The following LRSAM1 variants were observed in gnomAD, a reference collection of about 807,000 sequenced individuals.
LRSAM1 encodes leucine rich repeat and sterile alpha motif containing 1.
Under a neutral mutation model 118.1 loss-of-function variants are expected in LRSAM1, and 96 were observed. The ratio of observed to expected loss-of-function variants is 0.81; its 90% CI spans 0.69 to 0.96. The LOEUF (loss-of-function observed/expected upper bound fraction) is 0.96, where lower values mean the gene tolerates loss of function less well. Ranked by LOEUF, LRSAM1 falls within the 40% of genes least tolerant of loss-of-function variation. The pLI is 0.00. For synonymous variants in LRSAM1, 322 were observed against 364.2 expected, an observed-to-expected ratio of 0.88 and a Z score of 1.32; for missense variants, 804 against 915.5, an observed-to-expected ratio of 0.88 and a Z score of 1.57.
At chr9:127,455,897 A>C (rs1031519718) in intron 5 of LRSAM1, among the ~76,000 whole-genome samples, 1 of 152,204 alleles carries the variant, frequency 6.6e-6, no homozygotes, top group African/African-American at 2.4e-5. Context: ...AAATGAAGAC[A>C]TTCATAGTTC....
intron 23 of LRSAM1, 75 bp from the exon 24 acceptor site, chr9:127,497,178 C>T: frequency 2.1e-6 from 3 of 1,459,398 alleles, no homozygotes; most frequent in Non-Finnish European, 2.9e-6. Context: ...TGAGCCTGGG[C>T]CTGTGCCACG....
In LRSAM1 at chr9:127,496,113, G is replaced by A. The variant is rs1271777623; in HGVS notation, c.1830+18G>A. The A allele has an allele frequency of 6.2e-7, 1 of 1,605,850 alleles. No individual in the cohort carries two copies. Among genetic ancestry groups the A allele is most frequent in the Non-Finnish European group, 8.5e-7 (1 of 1,179,942 alleles). On this transcript the variant is annotated intron_variant, in intron 23 of 25. Transcript: ENST00000300417. The stretch of plus-strand genomic sequence containing the variant: ...TGGCCAAGGTGGGCAGCAGCCGTCT[G>A]CATGGAGGGGAGGGGCACGCAAGGC...
At position 127,501,154 on chromosome 9, in the gene LRSAM1, G is replaced by T. The variant is rs1287344490; in HGVS notation, c.2046+11G>T. On this transcript the variant is annotated intron_variant, in intron 25 of 25. Transcript: ENST00000300417. ...TGCCTGGAACGGGAGGTAAGTCCGG[G>T]GCCCTCCCCACCCGCCTGCCCTGCC... is the stretch of plus-strand genomic sequence containing the variant. 2 of 1,611,528 alleles carry T rather than the reference G, an allele frequency of 1.2e-6. No individual in the cohort carries two copies. The highest frequency in any genetic ancestry group is 1.7e-4 in the Middle Eastern group (1 of 5,982).
chr9:127,461,287 C>T, intron 8 of LRSAM1, 30 bp downstream of exon 8: 1 of 1,594,246 alleles, frequency 6.3e-7, no homozygotes, highest in African/African-American at 1.3e-5. Context: ...GTCCGTGTGA[C>T]CCTCCATCAG....
Position 127,503,088 on chromosome 9 carries a change from C to G in LRSAM1, c.*189C>G. ...GGGCCAGGCAGAGGTGCTCCTCATC[C>G]ATGACACCACCAGTCTGAATGGTCC... On this transcript the variant is annotated 3_prime_UTR_variant, in exon 26 of 26. Transcript: ENST00000300417. 1.4e-6 allele frequency: 1 copy of G among 717,930 alleles called. No homozygotes were observed. Among genetic ancestry groups the G allele is most frequent in the Non-Finnish European group, 2.3e-6 (1 of 432,654 alleles). The allele number at this position is 717,930 out of a possible 1,614,324, so 44.5% of individuals were successfully genotyped here. A position where few individuals can be genotyped will look rare whatever the true frequency, so the allele number is the denominator to read the frequency against.
chr9:127,472,173 G>T (rs1047784839), intron 10 of LRSAM1, among the ~76,000 whole-genome samples: 2 of 150,620 alleles, frequency 1.3e-5, no homozygotes, highest in Non-Finnish European at 3.0e-5. Flanking sequence ...TGTTGGTCAG[G>T]CTGGTCTCGA....
At chr9:127,479,723 C>A in intron 13 of LRSAM1, 116 bp from the exon 14 acceptor site, 1 of 1,449,828 alleles carries the variant, frequency 6.9e-7, no homozygotes. Flanking sequence ...GGCCGGAGGT[C>A]ACACAAAAAG....
At chr9:127,501,752 T>C (rs756460551) in intron 25 of LRSAM1, among the ~76,000 whole-genome samples, 1 of 152,170 alleles carries the variant, frequency 6.6e-6, no homozygotes, top group Non-Finnish European at 1.5e-5. Context: ...AAAAATCATC[T>C]TTTAAAAATT....
rs780956904 is a variant in LRSAM1 at position 127,491,245 on chromosome 9, C to A, written c.1453C>A (p.Leu485Met). 5 of 1,613,942 alleles carry A rather than the reference C, an allele frequency of 3.1e-6. No homozygotes were observed. The highest frequency in any genetic ancestry group is 3.4e-6 in the Non-Finnish European group (4 of 1,180,010). ...IKLIETELLQLTQLELKRKSL... is the reference protein window; with the variant it reads ...IKLIETELLQMTQLELKRKSL... Reference sequence around the variant, plus strand: ...GTTAATAGAAACTGAGTTATTGCAGCTGACACAGCTGGAGTTAAAGAGGAA... The same window carrying A: ...GTTAATAGAAACTGAGTTATTGCAGATGACACAGCTGGAGTTAAAGAGGAA... Residue 485 changes from leucine to methionine, a missense_variant, in exon 20 of 26, where the codon CTG becomes ATG. Leu to Met is a conservative substitution (Grantham distance 15, BLOSUM62 2). Transcript: ENST00000300417.
At chr9:127,488,330 C>T (rs1835807466) in intron 18 of LRSAM1, among the ~76,000 whole-genome samples, 2 of 152,162 alleles carry the variant, frequency 1.3e-5, no homozygotes, top group African/African-American at 4.8e-5. Flanking sequence ...GGTGCGATCT[C>T]GGCTCACTGC....
intron 15 of LRSAM1, among the ~76,000 whole-genome samples, chr9:127,482,288 G>A (rs775386606): frequency 3.3e-5 from 5 of 151,862 alleles, no homozygotes; most frequent in Non-Finnish European, 7.4e-5. Context: ...GATTATAGGC[G>A]CATACCACCA....
At chr9:127,468,739 G>C (rs1835049568) in intron 10 of LRSAM1, among the ~76,000 whole-genome samples, 1 of 150,160 alleles carries the variant, frequency 6.7e-6, no homozygotes, top group African/African-American at 2.5e-5. Context: ...ACTATGGGAG[G>C]CTGAGGCAGG....
chr9:127,466,491 TATATATATATATA>T (rs1228319709), intron 9 of LRSAM1, among the ~76,000 whole-genome samples: 28 of 15,112 alleles, frequency 1.9e-3, no homozygotes, highest in Middle Eastern at 9.4e-3. Context: ...TATATATATA[TATATATATATATA>T]TTTTTTTTTT....
intron 18 of LRSAM1, 150 bp downstream of exon 18, chr9:127,487,913 GA>G (rs1253927668): frequency 1.6e-6 from 1 of 622,382 alleles, no homozygotes; most frequent in African/African-American, 1.9e-5. Flanking sequence ...TGATCAGGGT[GA>G]GGGGTGGGAG....
chr9:127,459,601 C>G (rs1270683501), intron 7 of LRSAM1, among the ~76,000 whole-genome samples: 1 of 151,954 alleles, frequency 6.6e-6, no homozygotes, highest in Non-Finnish European at 1.5e-5. Flanking sequence ...TCTTGTCACC[C>G]AGGCTGGAGT....
intron 11 of LRSAM1, among the ~76,000 whole-genome samples, chr9:127,477,087 C>T (rs116297910): frequency 2.4e-3 from 360 of 152,246 alleles, no homozygotes; most frequent in African/African-American, 8.3e-3. Context: ...ATAGATTATA[C>T]TTGATTAAAA....
chr9:127,496,586 G>A (rs1280251669), intron 23 of LRSAM1, among the ~76,000 whole-genome samples: 3 of 152,126 alleles, frequency 2.0e-5, no homozygotes, highest in Admixed American at 6.6e-5. Flanking sequence ...TTTTGTATTC[G>A]AACTCACTGA....
At chr9:127,494,945 G>T (rs554866051) in intron 21 of LRSAM1, among the ~76,000 whole-genome samples, 106 of 152,214 alleles carry the variant, frequency 7.0e-4, no homozygotes, top group Non-Finnish European at 1.2e-3. Context: ...CCATCATTTT[G>T]GTTTTGTTTT....
intron 8 of LRSAM1, among the ~76,000 whole-genome samples, chr9:127,461,774 T>A (rs762211656): frequency 2.6e-5 from 4 of 152,252 alleles, no homozygotes; most frequent in African/African-American, 4.8e-5. Flanking sequence ...ACAGGCGCCT[T>A]ACCCGCAGGA....
Sources: allele counts gnomAD v4.1 joint callset (sites outside exome capture counted in the v4.1 genomes callset), GRCh38; gene constraint gnomAD v4.1.1; transcripts MANE v1.5; gene names NCBI Gene and HGNC (gene_info 2026-07-23, HGNC 2026-07-21).